Variants in THSD7A observed in about 807,000 individuals in gnomAD.
The protein encoded by THSD7A is thrombospondin type 1 domain containing 7A, also known as thrombospondin type-1 domain-containing protein 7A.
Under a neutral mutation model 231.3 loss-of-function variants are expected in THSD7A, and 96 were observed. The ratio of observed to expected loss-of-function variants is 0.41; its 90% CI spans 0.35 to 0.49. THSD7A has a LOEUF of 0.49. Ranked by LOEUF, THSD7A falls within the 20% of genes least tolerant of loss-of-function variation. The probability of loss-of-function intolerance (pLI) is 0.05; values close to 1 mark genes in which losing one functional copy is unlikely to be tolerated. For missense variants in THSD7A, 2,290 were observed against 2,070.2 expected (o/e 1.11, Z -2.06); for synonymous variants, 940 against 743.3 (o/e 1.26, Z -4.30).
intron 2 of THSD7A, among the ~76,000 whole-genome samples, chr7:11,614,876 C>A (rs1781053853): frequency 6.6e-6 from 1 of 151,920 alleles, no homozygotes; most frequent in Non-Finnish European, 1.5e-5. Flanking sequence ...ACTAATGAGA[C>A]TTTGGGGAGA....
At chr7:11,778,562 G>A (rs1286021860) in intron 1 of THSD7A, among the ~76,000 whole-genome samples, 1 of 152,078 alleles carries the variant, frequency 6.6e-6, no homozygotes, top group East Asian at 1.9e-4. Context: ...AAGAAGAGAA[G>A]AATAAATTTC....
At chr7:11,610,284 C>T (rs2128348605) in intron 2 of THSD7A, among the ~76,000 whole-genome samples, 1 of 152,204 alleles carries the variant, frequency 6.6e-6, no homozygotes, top group South Asian at 2.1e-4. Context: ...ATCAGACTTT[C>T]ACTCCCCCAA....
chr7:11,486,373 T>C (rs1238421298), intron 6 of THSD7A, among the ~76,000 whole-genome samples: 1 of 152,214 alleles, frequency 6.6e-6, no homozygotes, highest in African/African-American at 2.4e-5. Context: ...TACTCCTCTA[T>C]TTGGAGAAAT....
chr7:11,371,595 C>T lies in THSD7A; in HGVS notation c.*4199G>A, dbSNP rs541174574. On this transcript the variant is annotated 3_prime_UTR_variant, in exon 28 of 28. Coordinates refer to ENST00000423059, the MANE Select transcript of THSD7A (RefSeq NM_015204.3). ...ATTGAGACCCACGTCAGCTTTAGAA[C>T]AGGCTCTCCCTTCTGTATGGTACTG... 1 of 152,282 alleles carries T rather than the reference C, an allele frequency of 6.6e-6. No individual in the cohort carries two copies. Among genetic ancestry groups the T allele is most frequent in the South Asian group, 2.1e-4 (1 of 4,818 alleles). 9.4% of individuals were successfully genotyped at this position (152,282 alleles called of 1,614,324 possible).
chr7:11,573,147 A>G (rs567853379), intron 4 of THSD7A, among the ~76,000 whole-genome samples: 60 of 152,122 alleles, frequency 3.9e-4, no homozygotes, highest in South Asian at 8.3e-4. Flanking sequence ...AGTATTCTTC[A>G]CTCTCACAGG....
chr7:11,400,258 T>C (rs1783352930), intron 23 of THSD7A, among the ~76,000 whole-genome samples: 2 of 151,880 alleles, frequency 1.3e-5, no homozygotes, highest in South Asian at 4.2e-4. Context: ...CATGTATACA[T>C]ATGTAACAAA....
intron 4 of THSD7A, among the ~76,000 whole-genome samples, chr7:11,567,153 A>G (rs1214180656): frequency 6.6e-6 from 1 of 152,068 alleles, no homozygotes; most frequent in Non-Finnish European, 1.5e-5. Flanking sequence ...ACTGCCCGAG[A>G]CTGGGTAATT....
chr7:11,445,036 T>C (rs1200687544), intron 13 of THSD7A, among the ~76,000 whole-genome samples: 2 of 151,548 alleles, frequency 1.3e-5, no homozygotes, highest in Non-Finnish European at 2.9e-5. Context: ...ACTTTGATAG[T>C]TTATAAATAT....
intron 13 of THSD7A, among the ~76,000 whole-genome samples, chr7:11,445,269 C>A (rs184134793): frequency 3.0e-4 from 45 of 152,030 alleles, no homozygotes; most frequent in African/African-American, 1.0e-3. Flanking sequence ...CAGGCTGCCC[C>A]ACTGTAAACT....
chr7:11,589,019 C>T (rs1780041757), intron 4 of THSD7A, among the ~76,000 whole-genome samples: 1 of 152,160 alleles, frequency 6.6e-6, no homozygotes, highest in South Asian at 2.1e-4. Flanking sequence ...CCATGAATTA[C>T]TGGTCACTGG....
At chr7:11,571,309 A>T (rs911135575) in intron 4 of THSD7A, among the ~76,000 whole-genome samples, 2 of 152,198 alleles carry the variant, frequency 1.3e-5, no homozygotes, top group African/African-American at 4.8e-5. Flanking sequence ...TCTGAGGAAC[A>T]TGATGTTCTC....
intron 1 of THSD7A, among the ~76,000 whole-genome samples, chr7:11,818,620 C>T (rs975746044): frequency 2.4e-4 from 37 of 152,158 alleles, no homozygotes; most frequent in African/African-American, 8.9e-4. Flanking sequence ...CAGACAATGG[C>T]TTCCTCAGTG....
chr7:11,528,844 C>CA (rs1554332041), intron 6 of THSD7A, among the ~76,000 whole-genome samples: 3 of 151,472 alleles, frequency 2.0e-5, no homozygotes, highest in Non-Finnish European at 4.4e-5. Flanking sequence ...TTCCTGGTGA[C>CA]TTTTTTTTTG....
At chr7:11,715,508 T>A (rs1454371725) in intron 1 of THSD7A, among the ~76,000 whole-genome samples, 1 of 151,518 alleles carries the variant, frequency 6.6e-6, no homozygotes, top group Non-Finnish European at 1.5e-5. Flanking sequence ...ATATGAAACA[T>A]AACTCATATA....
At chr7:11,534,504 T>A (rs180941392) in intron 6 of THSD7A, among the ~76,000 whole-genome samples, 1 of 152,154 alleles carries the variant, frequency 6.6e-6, no homozygotes, top group African/African-American at 2.4e-5. Context: ...ATGCCAGATA[T>A]GTGAGGGAGG....
intron 1 of THSD7A, among the ~76,000 whole-genome samples, chr7:11,711,819 T>G (rs1280444132): frequency 1.3e-5 from 2 of 151,162 alleles, no homozygotes; most frequent in Non-Finnish European, 3.0e-5. Flanking sequence ...AACATCACAG[T>G]TGAGATAAGG....
chr7:11,793,837 T>C (rs1265220049), intron 1 of THSD7A, among the ~76,000 whole-genome samples: 1 of 151,952 alleles, frequency 6.6e-6, no homozygotes, highest in Non-Finnish European at 1.5e-5. Context: ...GGGTGTTTTA[T>C]TTCTGATTTC....
chr7:11,639,598 G>A (rs925895849), intron 1 of THSD7A, among the ~76,000 whole-genome samples: 2 of 152,054 alleles, frequency 1.3e-5, no homozygotes, highest in Non-Finnish European at 2.9e-5. Context: ...AACCCAGGAG[G>A]TGGAGGTTGC....
At chr7:11,576,789 T>A (rs1453356266) in intron 4 of THSD7A, among the ~76,000 whole-genome samples, 1 of 152,198 alleles carries the variant, frequency 6.6e-6, no homozygotes, top group African/African-American at 2.4e-5. Flanking sequence ...TACATTATAC[T>A]TTTCCCTTCA....
Sources: gnomAD v4.1 joint callset for allele counts (sites outside exome capture counted in the v4.1 genomes callset) on GRCh38, gnomAD v4.1.1 for gene constraint, MANE v1.5 for transcripts, NCBI Gene and HGNC (gene_info 2026-07-23, HGNC 2026-07-21) for gene names.